The following P2RX7 variants were observed in gnomAD, a reference collection of about 807,000 sequenced individuals.
P2RX7 encodes purinergic receptor P2X 7.
P2RX7 carries 62 observed loss-of-function variants against 71.6 expected under a neutral mutation model. The ratio of observed to expected loss-of-function variants is 0.87; its 90% CI spans 0.71 to 1.07. The LOEUF (loss-of-function observed/expected upper bound fraction) is 1.07. Among genes scored for constraint, P2RX7 ranks in the 50% least tolerant of loss-of-function variants. The pLI is 0.00. For missense variants in P2RX7, 686 were observed against 748.5 expected, an observed-to-expected ratio of 0.92 and a Z score of 0.97; for synonymous variants, 299 against 283.3, an observed-to-expected ratio of 1.06 and a Z score of -0.56.
In P2RX7 at chr12:121,139,415, C is replaced by T. The variant is rs77593826; in HGVS notation, c.125+6320C>T. 6.1e-3 allele frequency among the ~76,000 whole-genome samples: 934 copies of T among 152,326 alleles called. 52 individuals are homozygous for T. The East Asian group carries it at 0.13, about 21-fold the overall frequency. ...AGACTAAGGAAGATTGAGAGAGGCACAGGAAACAATTCCACTCAGAGCTGC... is the reference window on the plus strand; with the variant it reads ...AGACTAAGGAAGATTGAGAGAGGCATAGGAAACAATTCCACTCAGAGCTGC... On this transcript the variant is annotated intron_variant, in intron 1 of 12. Transcript: ENST00000328963.
intron 12 of P2RX7, among the ~76,000 whole-genome samples, chr12:121,182,938 G>A (rs1316457486): frequency 6.6e-6 from 1 of 152,060 alleles, no homozygotes; most frequent in East Asian, 1.9e-4. Context: ...ATCACTTTGG[G>A]AGGCCGAGGC....
rs868799532 is a variant in P2RX7 at position 121,136,061 on chromosome 12, G to A, written c.125+2966G>A. On this transcript the variant is annotated intron_variant, in intron 1 of 12. Coordinates refer to ENST00000328963, the MANE Select transcript of P2RX7 (RefSeq NM_002562.6). ...ATATATAGTATTTTTAGTAGAGATG[G>A]GGTTTTGCCATCTCTTATATATTTT... Among the ~76,000 whole-genome samples the A allele has an allele frequency of 2.8e-3, 308 of 111,152 alleles. 3 individuals carry two copies. The highest frequency in any genetic ancestry group is 8.8e-3 in the African/African-American group (288 of 32,720). 72.9% of individuals were successfully genotyped at this position (111,152 alleles called of 152,430 possible).
chr12:121,180,186 G>A (rs1037467328), intron 11 of P2RX7, among the ~76,000 whole-genome samples, 168 bp from the exon 12 acceptor site: 9 of 147,980 alleles, frequency 6.1e-5, no homozygotes, highest in African/African-American at 2.2e-4. Context: ...TTCCATTTCT[G>A]ATTTATCTTT....
intron 1 of P2RX7, among the ~76,000 whole-genome samples, chr12:121,133,853 A>G (rs954487822): frequency 2.6e-5 from 4 of 152,204 alleles, no homozygotes; most frequent in East Asian, 1.9e-4. Flanking sequence ...CGTGTTTTCA[A>G]TGCTCATCCA....
intron 2 of P2RX7, 89 bp downstream of exon 2, chr12:121,155,042 C>G: frequency 6.4e-7 from 1 of 1,552,686 alleles, no homozygotes; most frequent in East Asian, 2.2e-5. Flanking sequence ...CAGCCTCACT[C>G]CAGAAAAAAC....
At chr12:121,172,153 G>A (rs187917701) in intron 8 of P2RX7, among the ~76,000 whole-genome samples, 2 of 151,722 alleles carry the variant, frequency 1.3e-5, no homozygotes, top group East Asian at 2.0e-4. Flanking sequence ...GAGCCACTGC[G>A]CCCAGCCATC....
chr12:121,160,893 T>C lies in P2RX7; in HGVS notation c.364-9T>C. 6.2e-7 allele frequency: 1 copy of C among 1,609,586 alleles called. No homozygotes were observed. Among genetic ancestry groups the C allele is most frequent in the Non-Finnish European group, 8.5e-7 (1 of 1,175,798 alleles). ...CTTACTCCCCACTCTGTCATCCTTC[T>C]ATCTGCAGTATCCCACCCGCAGGAC... On this transcript the variant is annotated splice_polypyrimidine_tract_variant and intron_variant, in intron 3 of 12. Transcript: ENST00000328963.
chr12:121,133,137 G>A (rs28360442), intron 1 of P2RX7, 42 bp downstream of exon 1: 18 of 1,611,424 alleles, frequency 1.1e-5, no homozygotes, highest in Admixed American at 5.0e-5. Flanking sequence ...TGCAGTGGCC[G>A]ACAGCACAGA....
chr12:121,153,621 T>C (rs1485568935), intron 1 of P2RX7, among the ~76,000 whole-genome samples: 3 of 151,770 alleles, frequency 2.0e-5, no homozygotes, highest in Non-Finnish European at 2.9e-5. Flanking sequence ...GAAGTTGCAG[T>C]GAGCTGAGAT....
Position 121,184,513 on chromosome 12 carries a change from G to T in P2RX7, c.1499G>T (p.Arg500Leu). ...AGGTGCCTGGAGGAGCTGTGCTGCC[G>T]GAAAAAGCCGGGGGCCTGCATCACC... is the stretch of plus-strand genomic sequence containing the variant. ...SHRCLEELCC[R>L]KKPGACITTS... Residue 500 changes from arginine (R) to leucine (L), a missense_variant, in exon 13 of 13, where the codon CGG becomes CTG. Arg to Leu is a moderately radical substitution (Grantham distance 102). Coordinates refer to ENST00000328963, the MANE Select transcript of P2RX7 (RefSeq NM_002562.6). The T allele has an allele frequency of 6.2e-7, 1 of 1,614,174 alleles. No homozygotes were observed. Among genetic ancestry groups the T allele is most frequent in the Non-Finnish European group, 8.5e-7 (1 of 1,180,010 alleles).
At chr12:121,161,108 G>A (rs1002490878) in intron 4 of P2RX7, 134 bp downstream of exon 4, 2 of 752,308 alleles carry the variant, frequency 2.7e-6, no homozygotes, top group African/African-American at 3.4e-5. Flanking sequence ...CCATAGGCGA[G>A]TCTGCCCATG....
chr12:121,182,312 T>A (rs991311113), intron 12 of P2RX7, among the ~76,000 whole-genome samples: 1 of 152,224 alleles, frequency 6.6e-6, no homozygotes, highest in Non-Finnish European at 1.5e-5. Context: ...CTTGTAATGT[T>A]CTTGTTGGAT....
chr12:121,169,023 G>A (rs780750976), intron 8 of P2RX7, among the ~76,000 whole-genome samples: 9 of 151,806 alleles, frequency 5.9e-5, no homozygotes, highest in East Asian at 1.9e-4. Context: ...GGAGTGGACC[G>A]GGTGCAATTA....
intron 11 of P2RX7, among the ~76,000 whole-genome samples, chr12:121,180,004 C>G (rs950488129): frequency 6.6e-6 from 1 of 151,960 alleles, no homozygotes; most frequent in Non-Finnish European, 1.5e-5. Context: ...ACAAAATTAG[C>G]TGGGCATGAT....
chr12:121,158,139 C>G (rs1207377657), intron 3 of P2RX7, among the ~76,000 whole-genome samples: 1 of 152,136 alleles, frequency 6.6e-6, no homozygotes. Context: ...TAAATATGAC[C>G]AAGTTCCAGT....
At chr12:121,167,915 C>T (rs1031382581) in intron 8 of P2RX7, among the ~76,000 whole-genome samples, 4 of 151,652 alleles carry the variant, frequency 2.6e-5, no homozygotes, top group African/African-American at 4.8e-5. Flanking sequence ...CAGGTTCAAG[C>T]GACTCTCCTG....
intron 9 of P2RX7, among the ~76,000 whole-genome samples, chr12:121,176,616 G>A (rs1047746235): frequency 3.3e-5 from 5 of 151,996 alleles, no homozygotes; most frequent in African/African-American, 1.2e-4. Context: ...GCTGGGCGTG[G>A]CGGTGGGTAC....
At chr12:121,137,114 A>C (rs1235202225) in intron 1 of P2RX7, among the ~76,000 whole-genome samples, 1 of 152,186 alleles carries the variant, frequency 6.6e-6, no homozygotes, top group Admixed American at 6.5e-5. Context: ...ACATGGAGAG[A>C]GAGAGAACAA....
intron 8 of P2RX7, among the ~76,000 whole-genome samples, chr12:121,171,411 C>T (rs1386982327): frequency 7.3e-6 from 1 of 136,698 alleles, no homozygotes; most frequent in Non-Finnish European, 1.5e-5. Flanking sequence ...GTCTCCTAGA[C>T]TGAAGTGCAA....
Sources: allele counts gnomAD v4.1 joint callset (sites outside exome capture counted in the v4.1 genomes callset), GRCh38; gene constraint gnomAD v4.1.1; transcripts MANE v1.5; gene names NCBI Gene and HGNC (gene_info 2026-07-23, HGNC 2026-07-21).